The following ARHGAP32 variants were observed in gnomAD, a reference collection of about 807,000 sequenced individuals.
ARHGAP32 encodes rho GTPase-activating protein 32.
ARHGAP32 carries 51 observed loss-of-function variants against 186.5 expected under a neutral mutation model. The observed-to-expected ratio is 0.27, with a 90% CI of 0.22 to 0.35. The LOEUF (loss-of-function observed/expected upper bound fraction) is 0.35. Among genes scored for constraint, ARHGAP32 ranks in the 10% least tolerant of loss-of-function variants. The pLI is 1.00. For synonymous variants in ARHGAP32, 950 were observed against 964.3 expected, an observed-to-expected ratio of 0.99 and a Z score of 0.27; for missense variants, 2,186 against 2,623.5, an observed-to-expected ratio of 0.83 and a Z score of 3.64.
chr11:129,207,903 G>A (rs1384741602), intron 1 of ARHGAP32, among the ~76,000 whole-genome samples: 1 of 152,082 alleles, frequency 6.6e-6, no homozygotes, highest in East Asian at 1.9e-4. Flanking sequence ...CACATTTAGA[G>A]GTTTTGAATG....
Position 129,129,189 on chromosome 11 carries a change from G to A in ARHGAP32, c.226-4295C>T, listed in dbSNP as rs1404079479. Among the ~76,000 whole-genome samples, 6 of 140,188 alleles carry A rather than the reference G, an allele frequency of 4.3e-5. No homozygotes were observed. The East Asian group carries it at 1.1e-3, about 25-fold the overall frequency. 92.0% of individuals were successfully genotyped at this position (140,188 alleles called of 152,430 possible). On this transcript the variant is annotated intron_variant, in intron 2 of 22. Transcript: ENST00000682385. Reference sequence around the variant, plus strand: ...TGAGAAGTGAGGAGCCCCTCCGCCCGGCAGCCGCACCGTCTGGGAAGTGAG... The same window carrying A: ...TGAGAAGTGAGGAGCCCCTCCGCCCAGCAGCCGCACCGTCTGGGAAGTGAG...
intron 2 of ARHGAP32, among the ~76,000 whole-genome samples, chr11:129,138,946 G>C (rs911575553): frequency 5.3e-5 from 8 of 152,078 alleles, no homozygotes; most frequent in Non-Finnish European, 8.8e-5. Context: ...ATTTGAACTG[G>C]ATTTTTATCA....
chr11:129,110,496 T>C (rs1426390453), intron 5 of ARHGAP32, among the ~76,000 whole-genome samples: 1 of 152,208 alleles, frequency 6.6e-6, no homozygotes, highest in Non-Finnish European at 1.5e-5. Context: ...GGTATTTTCA[T>C]AGACATTGTA....
chr11:129,197,273 G>A (rs770126114), upstream of ARHGAP32, among the ~76,000 whole-genome samples: 15 of 151,950 alleles, frequency 9.9e-5, no homozygotes, highest in South Asian at 2.1e-4. Flanking sequence ...TCCAATACCC[G>A]TTATCTACAT....
chr11:129,178,329 G>T (rs1361742292), intron 1 of ARHGAP32, among the ~76,000 whole-genome samples: 1 of 150,946 alleles, frequency 6.6e-6, no homozygotes, highest in Non-Finnish European at 1.5e-5. Flanking sequence ...CATGCTCATG[G>T]GTAGGAAGAA....
intron 1 of ARHGAP32, among the ~76,000 whole-genome samples, chr11:129,217,875 G>A (rs1169714694): frequency 6.6e-6 from 1 of 152,108 alleles, no homozygotes; most frequent in Non-Finnish European, 1.5e-5. Context: ...TCCCAAACGT[G>A]GTGATTACTG....
chr11:129,251,933 C>CAAAA (rs11443635), intron 1 of ARHGAP32, among the ~76,000 whole-genome samples: 1 of 134,332 alleles, frequency 7.4e-6, no homozygotes. Context: ...GACTTCATCT[C>CAAAA]AAAAAAAAAA....
chr11:129,106,024 T>C (rs929225684), intron 5 of ARHGAP32, among the ~76,000 whole-genome samples: 2 of 152,114 alleles, frequency 1.3e-5, no homozygotes, highest in African/African-American at 2.4e-5. Context: ...AGACAACAGA[T>C]GTTGGTGAGG....
chr11:129,219,458 A>G (rs1272241287), intron 1 of ARHGAP32, among the ~76,000 whole-genome samples: 1 of 152,166 alleles, frequency 6.6e-6, no homozygotes, highest in Non-Finnish European at 1.5e-5. Flanking sequence ...CAAATGATAA[A>G]CGAGAAAATT....
intron 1 of ARHGAP32, among the ~76,000 whole-genome samples, chr11:129,249,777 AG>A (rs1945154493): frequency 1.3e-5 from 2 of 152,312 alleles, no homozygotes; most frequent in South Asian, 2.1e-4. Flanking sequence ...CCTTTAAAAA[AG>A]TTTTGGGTTT....
At chr11:129,122,217 C>T (rs996518412) in intron 5 of ARHGAP32, among the ~76,000 whole-genome samples, 12 of 151,802 alleles carry the variant, frequency 7.9e-5, no homozygotes, top group Non-Finnish European at 1.6e-4. Flanking sequence ...ATAATGTTAA[C>T]ATTTAAATAT....
chr11:129,060,378 T>TAGATA (rs1406953922), intron 10 of ARHGAP32, among the ~76,000 whole-genome samples: 1 of 145,118 alleles, frequency 6.9e-6, no homozygotes, highest in Admixed American at 6.9e-5. Context: ...GATAGATAGA[T>TAGATA]AGATAAGATA....
intron 1 of ARHGAP32, among the ~76,000 whole-genome samples, chr11:129,233,411 T>C (rs919715346): frequency 4.6e-5 from 7 of 152,138 alleles, no homozygotes; most frequent in African/African-American, 1.2e-4. Flanking sequence ...CAGCAGGCGA[T>C]ACAAAATGAC....
At chr11:129,221,987 T>C (rs185857165) in intron 1 of ARHGAP32, among the ~76,000 whole-genome samples, 46 of 152,226 alleles carry the variant, frequency 3.0e-4, no homozygotes, top group African/African-American at 9.6e-4. Flanking sequence ...ATTGTGAATA[T>C]GCAGGACCCA....
chr11:129,094,816 G>C (rs566197849), intron 5 of ARHGAP32, among the ~76,000 whole-genome samples: 1 of 152,254 alleles, frequency 6.6e-6, no homozygotes, highest in East Asian at 1.9e-4. Flanking sequence ...GTTCAAATGT[G>C]TTTATAATTT....
rs1945251398 is a variant in ARHGAP32, at chr11:128,967,719, G to A, written c.*1188C>T. On this transcript the variant is annotated 3_prime_UTR_variant, in exon 23 of 23. Transcript: ENST00000682385. ...GTAAGCAAACGACAGTAATGCCTTA[G>A]GACAGCAATAACTGCCCAGAACTCC... The A allele has an allele frequency of 6.6e-6, 1 of 152,134 alleles. No homozygotes were observed. The highest frequency in any genetic ancestry group is 2.1e-4 in the South Asian group (1 of 4,814). 9.4% of individuals were successfully genotyped at this position (152,134 alleles called of 1,614,324 possible).
At chr11:129,143,614 T>C (rs933881490) in intron 2 of ARHGAP32, among the ~76,000 whole-genome samples, 1 of 152,142 alleles carries the variant, frequency 6.6e-6, no homozygotes, top group Admixed American at 6.5e-5. Flanking sequence ...TTTGACTTAA[T>C]AATAGCCCCA....
rs924593487 is a variant in ARHGAP32 at position 128,998,605 on chromosome 11, T to A, written c.1046-137A>T. ...ATACTTTATAATCTTTAGGAAAATG[T>A]CAGTACAAGTTTAAGCTAAGAGTTG... On this transcript the variant is annotated intron_variant, in intron 11 of 22. Transcript: ENST00000682385. 11 of 560,094 alleles carry A rather than the reference T, an allele frequency of 2.0e-5. No homozygotes were observed. The Admixed American group carries it at 4.6e-4, about 23-fold the overall frequency. The allele number at this position is 560,094 out of a possible 1,614,324, so 34.7% of individuals were successfully genotyped here.
At chr11:129,193,581 T>TTATATAATATATGTTA (rs1944324233), upstream of ARHGAP32, among the ~76,000 whole-genome samples, 1 of 55,816 alleles carries the variant, frequency 1.8e-5, no homozygotes, top group Non-Finnish European at 3.1e-5. Context: ...TATATATATA[T>TTATATAATATATGTTA]TATATAATAT....
Sources: allele counts gnomAD v4.1 joint callset (sites outside exome capture counted in the v4.1 genomes callset), GRCh38; gene constraint gnomAD v4.1.1; transcripts MANE v1.5; gene names NCBI Gene and HGNC (gene_info 2026-07-23, HGNC 2026-07-21).